The following PLEKHA8 variants were observed in gnomAD, a reference collection of about 807,000 sequenced individuals.
The protein encoded by PLEKHA8 is pleckstrin homology domain containing A8.
PLEKHA8 carries 36 observed loss-of-function variants against 68.2 expected under a neutral mutation model. The observed-to-expected ratio is 0.53, with a 90% CI of 0.40 to 0.70. The LOEUF (loss-of-function observed/expected upper bound fraction) is 0.70, where lower values mean the gene tolerates loss of function less well. PLEKHA8 is among the 30% of genes least tolerant of loss of function. The probability of loss-of-function intolerance (pLI) is 0.00; values close to 1 mark genes in which losing one functional copy is unlikely to be tolerated. For missense variants in PLEKHA8, 505 were observed against 615.4 expected, an observed-to-expected ratio of 0.82 and a Z score of 1.90; for synonymous variants, 211 against 216.1, an observed-to-expected ratio of 0.98 and a Z score of 0.20.
chr7:30,078,327 A>G (rs923569061), intron 13 of PLEKHA8, among the ~76,000 whole-genome samples: 7 of 152,230 alleles, frequency 4.6e-5, no homozygotes, highest in Non-Finnish European at 7.3e-5. Context: ...CTCTCTCAGC[A>G]TTCCCTGATG....
rs1273969451 is a variant in PLEKHA8 at position 30,080,657 on chromosome 7, C to G, written c.*1870C>G. ...AAAATCAACATCACATGTTTTAAAG[C>G]TAGGGAGAAAGAAGGGGGGTATTAA... On this transcript the variant is annotated 3_prime_UTR_variant, in exon 14 of 14. Transcript: ENST00000449726. 4.1e-6 allele frequency: 4 copies of G among 985,004 alleles called. No homozygotes were observed. Among genetic ancestry groups the G allele is most frequent in the Non-Finnish European group, 4.8e-6 (4 of 829,858 alleles). The allele number at this position is 985,004 out of a possible 1,614,324, so 61.0% of individuals were successfully genotyped here.
intron 1 of PLEKHA8, among the ~76,000 whole-genome samples, chr7:30,029,951 A>G (rs1474380983): frequency 2.0e-5 from 3 of 151,860 alleles, no homozygotes; most frequent in Non-Finnish European, 4.4e-5. Context: ...TCACCTGTTT[A>G]TTTTTTTTCT....
rs1791829619 is a variant in PLEKHA8, at chr7:30,044,919, A to G, written c.41-166A>G. ...TTTTTAATTTTACAAAAATGGGATA[A>G]AACATACAGGTCTTTCTAACTTAAT... On this transcript the variant is annotated intron_variant, in intron 1 of 13. Coordinates refer to ENST00000449726, the MANE Select transcript of PLEKHA8 (RefSeq NM_001197026.2). Among the ~76,000 whole-genome samples, 4 of 152,226 alleles carry G rather than the reference A, an allele frequency of 2.6e-5. No homozygotes were observed. The South Asian group carries it at 8.3e-4, about 31-fold the overall frequency.
intron 13 of PLEKHA8, among the ~76,000 whole-genome samples, chr7:30,120,542 A>G (rs531361581): frequency 7.5e-4 from 114 of 152,318 alleles, no homozygotes; most frequent in African/African-American, 2.3e-3. Flanking sequence ...TTACATATCC[A>G]ATTAGGTTTC....
Position 30,078,842 on chromosome 7 carries a change from T to G in PLEKHA8, c.*55T>G. The G allele has an allele frequency of 2.6e-6, 4 of 1,567,402 alleles. No individual in the cohort carries two copies. In the South Asian group the frequency reaches 4.8e-5, roughly 19 times the overall value. On this transcript the variant is annotated 3_prime_UTR_variant, in exon 14 of 14. Transcript: ENST00000449726. ...GGGAATAAGTGCTAAAGTGTTTTGT[T>G]GCCCTACTTAATTTCCAGCAACAGC...
At chr7:30,115,846 G>T (rs568992891) in intron 13 of PLEKHA8, 6 of 148,226 alleles carry the variant, frequency 4.0e-5, no homozygotes, top group African/African-American at 1.0e-4. Flanking sequence ...ATGTATACAC[G>T]TATGCATACA....
chr7:30,090,242 G>A lies in PLEKHA8; in HGVS notation c.*67G>A, dbSNP rs1468560517. ...GAAGAAAGAATTCCTCACCATTCAG[G>A]CAGAAAAAGCAAGTCACCAAGGGAC... On this transcript the variant is annotated 3_prime_UTR_variant, in exon 13 of 13. Coordinates refer to the PLEKHA8 transcript ENST00000258679. 3 of 1,531,026 alleles carry A rather than the reference G, an allele frequency of 2.0e-6. No individual in the cohort carries two copies. In the Admixed American group the frequency reaches 6.4e-5, roughly 33 times the overall value. The allele number at this position is 1,531,026 out of a possible 1,614,324, so 94.8% of individuals were successfully genotyped here.
At chr7:30,047,454 A>G (rs1322321574) in intron 3 of PLEKHA8, among the ~76,000 whole-genome samples, 1 of 152,126 alleles carries the variant, frequency 6.6e-6, no homozygotes, top group Non-Finnish European at 1.5e-5. Context: ...GTAAACAGCT[A>G]TGACCCCATT....
At chr7:30,108,067 C>CAAAAAAAAAAAAAAAAAAAAAA (rs796801365) in intron 13 of PLEKHA8, among the ~76,000 whole-genome samples, 32 of 52,824 alleles carry the variant, frequency 6.1e-4, no homozygotes, top group African/African-American at 2.2e-3. Flanking sequence ...AACTCCATCT[C>CAAAAAAAAAAAAAAAAAAAAAA]AAAAAAAAAA....
chr7:30,130,227 A>G (rs1796850622), downstream of PLEKHA8: 1 of 152,232 alleles, frequency 6.6e-6, no homozygotes, highest in Non-Finnish European at 1.5e-5. Context: ...TGTCATCATT[A>G]TCAGAAAAGA....
intron 6 of PLEKHA8, among the ~76,000 whole-genome samples, chr7:30,051,001 G>C (rs984353772): frequency 1.3e-5 from 2 of 152,132 alleles, no homozygotes; most frequent in Non-Finnish European, 2.9e-5. Context: ...GTGGGCCCAA[G>C]CAATCCTCTT....
At chr7:30,043,254 C>T (rs1347527272) in intron 1 of PLEKHA8, among the ~76,000 whole-genome samples, 1 of 152,150 alleles carries the variant, frequency 6.6e-6, no homozygotes, top group African/African-American at 2.4e-5. Context: ...ATCTTGGCCT[C>T]CCAAAGTAGT....
chr7:30,117,982 G>A, intron 13 of PLEKHA8: 1 of 1,531,552 alleles, frequency 6.5e-7, no homozygotes. Flanking sequence ...ACACACAAAT[G>A]TCTGATGGTG....
chr7:30,075,928 T>G (rs527556081), intron 13 of PLEKHA8, among the ~76,000 whole-genome samples: 8 of 152,130 alleles, frequency 5.3e-5, no homozygotes, highest in Non-Finnish European at 1.2e-4. Context: ...CATAAAAAAT[T>G]TTAGAAATCA....
chr7:30,036,371 T>A (rs916151465), intron 1 of PLEKHA8, among the ~76,000 whole-genome samples: 15 of 151,420 alleles, frequency 9.9e-5, no homozygotes, highest in African/African-American at 3.2e-4. Context: ...AAATAGATAG[T>A]GTAAGATTCT....
chr7:30,068,489 T>C (rs1221410177), intron 12 of PLEKHA8, among the ~76,000 whole-genome samples: 1 of 152,234 alleles, frequency 6.6e-6, no homozygotes, highest in Non-Finnish European at 1.5e-5. Context: ...TAGCTTTTCC[T>C]GTCTTCACTG....
exon 14 of PLEKHA8, chr7:30,129,288 G>A (rs772094142): frequency 2.0e-5 from 33 of 1,612,430 alleles, no homozygotes; most frequent in Non-Finnish European, 2.5e-5. Context: ...GGGTGTAGAC[G>A]GAACTCCAGA....
At chr7:30,065,813 G>A (rs1793808604) in intron 12 of PLEKHA8, among the ~76,000 whole-genome samples, 1 of 152,166 alleles carries the variant, frequency 6.6e-6, no homozygotes, top group Non-Finnish European at 1.5e-5. Flanking sequence ...GGTTTAAAGA[G>A]GATAAATACC....
chr7:30,071,019 G>A (rs1263901109), intron 12 of PLEKHA8, among the ~76,000 whole-genome samples: 2 of 152,120 alleles, frequency 1.3e-5, no homozygotes, highest in Non-Finnish European at 2.9e-5. Flanking sequence ...GACAGAAGAA[G>A]GTAATGTTCT....
Sources: allele counts gnomAD v4.1 joint callset (sites outside exome capture counted in the v4.1 genomes callset), GRCh38; gene constraint gnomAD v4.1.1; transcripts MANE v1.5; gene names NCBI Gene and HGNC (gene_info 2026-07-23, HGNC 2026-07-21).